The following HIVEP3 variants were observed in gnomAD, a reference collection of about 807,000 sequenced individuals.
The protein encoded by HIVEP3 is transcription factor HIVEP3.
In HIVEP3, 49 loss-of-function variants were observed where a neutral mutation model predicts 152.8. The observed-to-expected ratio is 0.32, with a 90% CI of 0.26 to 0.41. HIVEP3 has a LOEUF of 0.41. Ranked by LOEUF, HIVEP3 falls within the 10% of genes least tolerant of loss-of-function variation. The probability of loss-of-function intolerance (pLI) is 1.00; values close to 1 mark genes in which losing one functional copy is unlikely to be tolerated. For synonymous variants in HIVEP3, 1,269 were observed against 1,289.0 expected (o/e 0.98, Z 0.33); for missense variants, 2,790 against 3,103.3 (o/e 0.90, Z 2.40).
At chr1:42,008,591 G>A (rs1645474878) in intron 1 of HIVEP3, among the ~76,000 whole-genome samples, 1 of 152,136 alleles carries the variant, frequency 6.6e-6, no homozygotes, top group South Asian at 2.1e-4. Context: ...ACCATTTCTT[G>A]ATCATTTGTT....
intron 3 of HIVEP3, among the ~76,000 whole-genome samples, chr1:41,614,833 C>T (rs1362105113): frequency 1.3e-5 from 2 of 152,192 alleles, no homozygotes; most frequent in African/African-American, 2.4e-5. Context: ...TCTGATGATA[C>T]GCTGGCCAGT....
chr1:41,641,423 C>T (rs187351683), intron 2 of HIVEP3, among the ~76,000 whole-genome samples: 3 of 152,326 alleles, frequency 2.0e-5, no homozygotes, highest in Admixed American at 1.3e-4. Context: ...CAACCTGCCC[C>T]ACTCCTGCCC....
At chr1:41,719,653 G>A (rs990347839) in intron 1 of HIVEP3, among the ~76,000 whole-genome samples, 9 of 152,306 alleles carry the variant, frequency 5.9e-5, no homozygotes, top group African/African-American at 1.9e-4. Context: ...AAAGCCTTGG[G>A]GTTCTTGAGA....
rs55654443 is a variant in HIVEP3, at chr1:41,509,822, C to CAAAAAAA, written c.*622_*628dup. On this transcript the variant is annotated 3_prime_UTR_variant, in exon 9 of 9. Transcript: ENST00000372583. ...GGAAAAGTATCATTTTATTTTCTTG[C>CAAAAAAA]AAAAAAAAAAAAAAAAAAAAAAAAG... is the stretch of plus-strand genomic sequence containing the variant. 1.2e-5 allele frequency: 1 copy of CAAAAAAA among 82,042 alleles called. No individual in the cohort carries two copies. Among genetic ancestry groups the CAAAAAAA allele is most frequent in the Non-Finnish European group, 2.2e-5 (1 of 44,516 alleles). The allele number at this position is 82,042 out of a possible 1,614,324, so 5.1% of individuals were successfully genotyped here.
intron 3 of HIVEP3, among the ~76,000 whole-genome samples, chr1:41,594,367 C>T (rs778077592): frequency 6.6e-6 from 1 of 152,014 alleles, no homozygotes; most frequent in Non-Finnish European, 1.5e-5. Context: ...GGATTACAGG[C>T]GTGCACCACC....
At chr1:41,941,749 G>T (rs1246063473) in intron 1 of HIVEP3, among the ~76,000 whole-genome samples, 2 of 152,186 alleles carry the variant, frequency 1.3e-5, no homozygotes, top group Admixed American at 1.3e-4. Flanking sequence ...AAGTCCAGCT[G>T]ATCAAAAGGG....
intron 1 of HIVEP3, among the ~76,000 whole-genome samples, chr1:41,753,378 G>A (rs1485087030): frequency 6.6e-6 from 1 of 152,166 alleles, no homozygotes; most frequent in Non-Finnish European, 1.5e-5. Context: ...TGGAAGCAAT[G>A]GGCCGGGCAC....
chr1:41,875,523 G>A (rs1462996603), intron 1 of HIVEP3, among the ~76,000 whole-genome samples: 1 of 152,208 alleles, frequency 6.6e-6, no homozygotes, highest in East Asian at 1.9e-4. Context: ...CCTCTCAATG[G>A]TTTCCTCTGG....
intron 1 of HIVEP3, among the ~76,000 whole-genome samples, chr1:41,703,609 A>G (rs1646393227): frequency 1.3e-5 from 2 of 152,236 alleles, no homozygotes; most frequent in South Asian, 4.1e-4. Context: ...CCTGGTGCAT[A>G]GTAAGGGTTA....
chr1:41,689,797 A>G (rs1443722000), intron 2 of HIVEP3, among the ~76,000 whole-genome samples: 4 of 152,230 alleles, frequency 2.6e-5, no homozygotes, highest in African/African-American at 7.2e-5. Flanking sequence ...TGCCAAGACA[A>G]GTTGAATGGG....
At chr1:41,601,730 T>G (rs1644750630) in intron 3 of HIVEP3, among the ~76,000 whole-genome samples, 2 of 152,212 alleles carry the variant, frequency 1.3e-5, no homozygotes, top group South Asian at 4.1e-4. Context: ...CTTTAATTTT[T>G]TTTCTTGCCT....
Position 41,533,273 on chromosome 1 carries a change from T to C in HIVEP3, c.5208-8363A>G, listed in dbSNP as rs1643313593. Among the ~76,000 whole-genome samples, 1 of 152,150 alleles carries C rather than the reference T, an allele frequency of 6.6e-6. No individual in the cohort carries two copies. Among genetic ancestry groups the C allele is most frequent in the Non-Finnish European group, 1.5e-5 (1 of 68,026 alleles). ...AGCCTGAGGTAGACCTGCCGGGCTC[T>C]GGGTCCAGCTCCTCCTGCGGTGCCA... On this transcript the variant is annotated intron_variant, in intron 5 of 8. Transcript: ENST00000372583. This position sits in a 1 kb window ranked among gnomAD's most constrained non-coding sequence, Gnocchi z 4.3.
intron 2 of HIVEP3, among the ~76,000 whole-genome samples, chr1:41,698,548 A>G (rs1251829635): frequency 2.0e-5 from 3 of 152,124 alleles, no homozygotes; most frequent in Non-Finnish European, 4.4e-5. Context: ...AACCAAGTTG[A>G]TGAGGGAGCT....
chr1:41,646,712 T>A (rs990713606), intron 2 of HIVEP3, among the ~76,000 whole-genome samples: 2 of 152,248 alleles, frequency 1.3e-5, no homozygotes, highest in African/African-American at 4.8e-5. Flanking sequence ...TTCCCCATCA[T>A]GGCCTCAGCC....
At chr1:41,826,651 T>G (rs998570672) in intron 1 of HIVEP3, among the ~76,000 whole-genome samples, 1 of 152,200 alleles carries the variant, frequency 6.6e-6, no homozygotes, top group Non-Finnish European at 1.5e-5. Flanking sequence ...CTTTTGGCAT[T>G]TGAAGCAAGG....
intron 1 of HIVEP3, among the ~76,000 whole-genome samples, chr1:41,808,533 A>G (rs1650768191): frequency 6.6e-6 from 1 of 152,232 alleles, no homozygotes; most frequent in South Asian, 2.1e-4. Context: ...AGATGCAAAA[A>G]GGTGTTGTCA....
chr1:41,896,643 C>T (rs556195699), intron 1 of HIVEP3, among the ~76,000 whole-genome samples: 23 of 150,718 alleles, frequency 1.5e-4, no homozygotes, highest in African/African-American at 5.1e-4. Context: ...GGTGCGATCT[C>T]GGGTCACCGC....
At position 41,577,994 on chromosome 1, in the gene HIVEP3, C is replaced by T. The variant is rs985760981; in HGVS notation, c.5061+1743G>A. The stretch of plus-strand genomic sequence containing the variant: ...AGGAGCACTATAAATAAATAATTGC[C>T]GAATCCAAATTAACACTTCCTTTCT... On this transcript the variant is annotated intron_variant, in intron 4 of 8. Transcript: ENST00000372583. Among the ~76,000 whole-genome samples the T allele has an allele frequency of 2.0e-4, 30 of 152,168 alleles. 1 individual carries two copies. The highest frequency in any genetic ancestry group is 1.6e-3 in the Admixed American group (25 of 15,278).
At chr1:41,551,602 C>T (rs999059328) in intron 5 of HIVEP3, among the ~76,000 whole-genome samples, 1 of 152,094 alleles carries the variant, frequency 6.6e-6, no homozygotes, top group African/African-American at 2.4e-5. Flanking sequence ...CTGGTTTAGT[C>T]TTGGGAGGGT....
Sources: gnomAD v4.1 joint callset for allele counts (sites outside exome capture counted in the v4.1 genomes callset) on GRCh38, gnomAD v4.1.1 for gene constraint, Gnocchi (gnomAD v3.1) non-coding constraint, MANE v1.5 for transcripts, NCBI Gene and HGNC (gene_info 2026-07-23, HGNC 2026-07-21) for gene names.